Variants in PTPRD observed in about 807,000 individuals in gnomAD.
PTPRD encodes the protein receptor-type tyrosine-protein phosphatase delta.
A neutral mutation model predicts 214.5 loss-of-function variants in PTPRD; 34 were observed. The ratio of observed to expected loss-of-function variants is 0.16; its 90% confidence interval spans 0.12 to 0.21. The LOEUF is 0.21. Ranked by LOEUF, PTPRD falls within the 10% of genes least tolerant of loss-of-function variation. The pLI, the probability that PTPRD is intolerant of heterozygous loss-of-function variation, is 1.00. For synonymous variants in PTPRD, 1,128 were observed against 845.7 expected, an observed-to-expected ratio of 1.33 and a Z score of -5.79; for missense variants, 2,545 against 2,398.7, an observed-to-expected ratio of 1.06 and a Z score of -1.27.
chr9:10,120,908 GA>G (rs1563943675), intron 3 of PTPRD, among the ~76,000 whole-genome samples: 1 of 149,376 alleles, frequency 6.7e-6, no homozygotes, highest in Non-Finnish European at 1.5e-5. Flanking sequence ...AAAAAGAAAA[GA>G]AAAAATAGAC....
intron 14 of PTPRD, among the ~76,000 whole-genome samples, chr9:8,561,902 A>C (rs2086544542): frequency 6.6e-6 from 1 of 151,970 alleles, no homozygotes; most frequent in Non-Finnish European, 1.5e-5. Context: ...CAAAACTATA[A>C]CTCCTTTAAA....
intron 8 of PTPRD, among the ~76,000 whole-genome samples, chr9:9,456,815 G>T (rs1293503158): frequency 6.6e-6 from 1 of 151,868 alleles, no homozygotes; most frequent in Non-Finnish European, 1.5e-5. Flanking sequence ...AAATGTGGGG[G>T]TTATAATTTT....
intron 6 of PTPRD, among the ~76,000 whole-genome samples, chr9:9,744,767 G>C (rs939299279): frequency 6.6e-6 from 1 of 151,992 alleles, no homozygotes; most frequent in Non-Finnish European, 1.5e-5. Flanking sequence ...TTGATAATTA[G>C]TAAGTGCTAG....
chr9:9,807,538 C>T (rs1464186655), intron 5 of PTPRD, among the ~76,000 whole-genome samples: 3 of 152,112 alleles, frequency 2.0e-5, no homozygotes, highest in Non-Finnish European at 4.4e-5. Flanking sequence ...AGCATTTTCC[C>T]ATATGCCCCA....
intron 5 of PTPRD, among the ~76,000 whole-genome samples, chr9:9,788,204 C>T (rs1411268994): frequency 1.3e-5 from 2 of 152,014 alleles, no homozygotes; most frequent in East Asian, 3.9e-4. Context: ...GTACAGAGGA[C>T]AAGCTCCTAG....
chr9:9,899,416 G>A (rs1439021578), intron 5 of PTPRD, among the ~76,000 whole-genome samples: 2 of 151,960 alleles, frequency 1.3e-5, no homozygotes, highest in African/African-American at 4.8e-5. Flanking sequence ...ATTTCTGTAA[G>A]GAAGACATAC....
chr9:10,382,989 A>G (rs1281527959), intron 2 of PTPRD, among the ~76,000 whole-genome samples: 2 of 151,800 alleles, frequency 1.3e-5, no homozygotes, highest in African/African-American at 4.8e-5. Context: ...TGACACTGAT[A>G]TTTGGATTAC....
chr9:9,932,148 G>C (rs2086908323), intron 5 of PTPRD, among the ~76,000 whole-genome samples: 1 of 148,306 alleles, frequency 6.7e-6, no homozygotes, highest in South Asian at 2.1e-4. Context: ...AGAAAAACTG[G>C]AAACTCTAAA....
At chr9:8,610,181 A>G (rs1410336930) in intron 14 of PTPRD, among the ~76,000 whole-genome samples, 1 of 152,194 alleles carries the variant, frequency 6.6e-6, no homozygotes. Flanking sequence ...TTGTGCAAAC[A>G]CTGCTCTTTC....
intron 21 of PTPRD, among the ~76,000 whole-genome samples, chr9:8,510,465 G>C (rs1184087393): frequency 6.6e-6 from 1 of 152,198 alleles, no homozygotes; most frequent in East Asian, 1.9e-4. Context: ...ACAGCAGGTT[G>C]CTGCCTTGTG....
chr9:10,219,585 T>C (rs1004595389), intron 3 of PTPRD, among the ~76,000 whole-genome samples: 7 of 151,900 alleles, frequency 4.6e-5, no homozygotes, highest in African/African-American at 1.7e-4. Flanking sequence ...GTAATTTGGA[T>C]AGCAAAGCTT....
rs540143070 is a variant in PTPRD at position 8,920,152 on chromosome 9, G to A, written c.-104+98545C>T. On this transcript the variant is annotated intron_variant, in intron 11 of 45. Coordinates refer to ENST00000381196, the MANE Select transcript of PTPRD (RefSeq NM_002839.4). ...GCTGAGGAGTGTGAGACCACCCCGGGCAACACGGCAAATTCCCATCTCTAC... is the reference window on the plus strand; with the variant it reads ...GCTGAGGAGTGTGAGACCACCCCGGACAACACGGCAAATTCCCATCTCTAC... Among the ~76,000 whole-genome samples the A allele has an allele frequency of 4.1e-3, 619 of 152,084 alleles. 5 individuals carry two copies. The highest frequency in any genetic ancestry group is 0.013 in the African/African-American group (549 of 41,498).
chr9:10,030,118 G>T (rs965575526), intron 4 of PTPRD, among the ~76,000 whole-genome samples: 1 of 152,150 alleles, frequency 6.6e-6, no homozygotes, highest in African/African-American at 2.4e-5. Flanking sequence ...CAGACATGTG[G>T]CACTGTAAGT....
chr9:9,903,532 T>A (rs920589243), intron 5 of PTPRD, among the ~76,000 whole-genome samples: 2 of 152,138 alleles, frequency 1.3e-5, no homozygotes, highest in African/African-American at 4.8e-5. Context: ...TAGTTCTGTA[T>A]CACTTACTTT....
intron 4 of PTPRD, among the ~76,000 whole-genome samples, chr9:10,009,288 G>T (rs2096549873): frequency 6.6e-6 from 1 of 151,816 alleles, no homozygotes; most frequent in East Asian, 1.9e-4. Flanking sequence ...ACAGTCTCAA[G>T]AGGTTCTGAA....
At chr9:8,992,019 T>G (rs1006855974) in intron 11 of PTPRD, among the ~76,000 whole-genome samples, 5 of 151,966 alleles carry the variant, frequency 3.3e-5, no homozygotes, top group African/African-American at 1.2e-4. Flanking sequence ...AGTTTGAGAG[T>G]GAGAAGGATG....
At chr9:9,677,344 T>C (rs577501237) in intron 7 of PTPRD, among the ~76,000 whole-genome samples, 1 of 152,086 alleles carries the variant, frequency 6.6e-6, no homozygotes, top group East Asian at 1.9e-4. Flanking sequence ...GCTTTCTACA[T>C]ATGGCTAGCC....
intron 10 of PTPRD, among the ~76,000 whole-genome samples, chr9:9,044,009 T>A (rs2099658885): frequency 6.6e-6 from 1 of 152,136 alleles, no homozygotes; most frequent in South Asian, 2.1e-4. Context: ...AGACTTTTAA[T>A]GCCAAGTCAG....
chr9:8,939,124 C>G (rs2099015588), intron 11 of PTPRD, among the ~76,000 whole-genome samples: 1 of 152,136 alleles, frequency 6.6e-6, no homozygotes, highest in South Asian at 2.1e-4. Context: ...CTTTCAGAAT[C>G]TCTTAATGAG....
Sources: allele counts gnomAD v4.1 joint callset (sites outside exome capture counted in the v4.1 genomes callset), GRCh38; gene constraint gnomAD v4.1.1; transcripts MANE v1.5; gene names NCBI Gene and HGNC (gene_info 2026-07-23, HGNC 2026-07-21).